Variants in GADL1 observed in about 807,000 individuals in gnomAD.
The protein encoded by GADL1 is GAD like acidic amino acid decarboxylase 1.
Under a neutral mutation model 69.5 loss-of-function variants are expected in GADL1, and 71 were observed. The observed-to-expected ratio is 1.02, with a 90% CI of 0.84 to 1.25. The LOEUF (loss-of-function observed/expected upper bound fraction) is 1.25. Among genes scored for constraint, GADL1 ranks in the 50% most tolerant of loss-of-function variants. The pLI, the probability that GADL1 is intolerant of heterozygous loss-of-function variation, is 0.00. For synonymous variants in GADL1, 254 were observed against 214.4 expected, an observed-to-expected ratio of 1.18 and a Z score of -1.62; for missense variants, 737 against 631.8, an observed-to-expected ratio of 1.17 and a Z score of -1.79.
chr3:30,731,692 A>G (rs1474793955), intron 14 of GADL1, among the ~76,000 whole-genome samples: 1 of 152,220 alleles, frequency 6.6e-6, no homozygotes, highest in African/African-American at 2.4e-5. Context: ...TTATAAAGAC[A>G]TAACTAAATA....
chr3:30,849,555 TG>T (rs1316700862), intron 6 of GADL1, among the ~76,000 whole-genome samples: 31 of 152,190 alleles, frequency 2.0e-4, no homozygotes, highest in African/African-American at 7.2e-4. Flanking sequence ...TGTGTGTGTG[TG>T]TGTTTTCATT....
At chr3:30,787,198 A>G (rs1696812892) in intron 12 of GADL1, among the ~76,000 whole-genome samples, 1 of 148,688 alleles carries the variant, frequency 6.7e-6, no homozygotes, top group African/African-American at 2.4e-5. Flanking sequence ...AAAATACAAG[A>G]AAAAAAATTA....
At chr3:30,764,628 CAATA>C (rs1246448116) in intron 14 of GADL1, among the ~76,000 whole-genome samples, 2 of 152,260 alleles carry the variant, frequency 1.3e-5, no homozygotes, top group South Asian at 2.1e-4. Context: ...AATAGATGCT[CAATA>C]AATATATTGT....
intron 4 of GADL1, among the ~76,000 whole-genome samples, chr3:30,853,035 A>G (rs907122787): frequency 1.3e-5 from 2 of 152,102 alleles, no homozygotes; most frequent in Admixed American, 6.6e-5. Flanking sequence ...TGAATATTCA[A>G]CAACATGTGA....
intron 14 of GADL1, among the ~76,000 whole-genome samples, chr3:30,733,464 C>G (rs1695495437): frequency 6.6e-6 from 1 of 152,146 alleles, no homozygotes; most frequent in South Asian, 2.1e-4. Flanking sequence ...ATATTGAAAT[C>G]TAGTTCATGG....
At chr3:30,757,416 C>A (rs959529899) in intron 14 of GADL1, among the ~76,000 whole-genome samples, 3 of 152,054 alleles carry the variant, frequency 2.0e-5, no homozygotes. Context: ...ATGCTTAGGA[C>A]AATTCGCATG....
At chr3:30,784,318 G>A (rs143437718) in intron 13 of GADL1, among the ~76,000 whole-genome samples, 22 of 152,096 alleles carry the variant, frequency 1.4e-4, no homozygotes, top group African/African-American at 4.1e-4. Context: ...ATGCCTCTTC[G>A]GTCTCTTTGA....
intron 14 of GADL1, among the ~76,000 whole-genome samples, chr3:30,761,096 G>T (rs959689262): frequency 1.3e-5 from 2 of 152,134 alleles, no homozygotes; most frequent in East Asian, 1.9e-4. Context: ...TTTCATATAG[G>T]CATTTAATGA....
chr3:30,850,953 T>C lies in GADL1; in HGVS notation c.429-12A>G, dbSNP rs1269392253. On this transcript the variant is annotated splice_polypyrimidine_tract_variant and intron_variant, in intron 4 of 14. Coordinates refer to ENST00000282538, the MANE Select transcript of GADL1 (RefSeq NM_207359.3). The stretch of plus-strand genomic sequence containing the variant: ...CCTCATACGTATAACTAGATAGATA[T>C]AAAAAACACTTCACTTCTATGACTA... The C allele has an allele frequency of 2.1e-6, 3 of 1,396,918 alleles. No individual in the cohort carries two copies. The highest frequency in any genetic ancestry group is 2.5e-5 in the East Asian group (1 of 40,140). 86.5% of individuals were successfully genotyped at this position (1,396,918 alleles called of 1,614,324 possible).
intron 11 of GADL1, among the ~76,000 whole-genome samples, chr3:30,809,813 C>T (rs912383353): frequency 6.6e-6 from 1 of 152,166 alleles, no homozygotes; most frequent in South Asian, 2.1e-4. Flanking sequence ...TTTAAACACA[C>T]CTTTTCCTCC....
intron 12 of GADL1, among the ~76,000 whole-genome samples, chr3:30,793,786 CCTTT>C (rs1696971386): frequency 1.5e-5 from 1 of 65,296 alleles, no homozygotes; most frequent in African/African-American, 7.7e-5. Flanking sequence ...CTCTCCAGTC[CCTTT>C]CTTACTTCAG....
intron 14 of GADL1, among the ~76,000 whole-genome samples, chr3:30,736,041 T>C (rs1695537521): frequency 6.6e-6 from 1 of 152,160 alleles, no homozygotes; most frequent in South Asian, 2.1e-4. Flanking sequence ...TTTTTAAAAC[T>C]AGCAAGTATT....
chr3:30,782,942 A>G (rs540944094), intron 13 of GADL1, among the ~76,000 whole-genome samples: 3 of 152,318 alleles, frequency 2.0e-5, no homozygotes, highest in African/African-American at 7.2e-5. Flanking sequence ...TTATTAGATT[A>G]CAAGATAACA....
chr3:30,752,386 G>GGA (rs199757652), intron 14 of GADL1, among the ~76,000 whole-genome samples: 2,989 of 152,252 alleles, frequency 0.02, 90 homozygotes, highest in African/African-American at 0.063. Flanking sequence ...CACCTTGCAT[G>GGA]GAGATAGACA....
At chr3:30,788,419 T>C (rs1696844107) in intron 12 of GADL1, among the ~76,000 whole-genome samples, 1 of 152,176 alleles carries the variant, frequency 6.6e-6, no homozygotes, top group Non-Finnish European at 1.5e-5. Context: ...AATACCTTAT[T>C]GCTAAAAAGC....
intron 1 of GADL1, among the ~76,000 whole-genome samples, chr3:30,869,622 CTATTT>C (rs908122441): frequency 1.1e-4 from 16 of 149,708 alleles, no homozygotes; most frequent in African/African-American, 3.4e-4. Flanking sequence ...ATATGGGTAT[CTATTT>C]TATTTTATTT....
At position 30,801,099 on chromosome 3, in the gene GADL1, GAA is replaced by G. The variant is rs1697154408; in HGVS notation, c.1051-13_1051-12del. 2 of 1,575,400 alleles carry G rather than the reference GAA, an allele frequency of 1.3e-6. No individual in the cohort carries two copies. On this transcript the variant is annotated splice_polypyrimidine_tract_variant and intron_variant, in intron 11 of 14. Transcript: ENST00000282538. The stretch of plus-strand genomic sequence containing the variant: ...TTTTTTAAGAAGATCCTTCGAAAAA[GAA>G]AAGATTACAAGACTGTTAAACTTTA...
intron 11 of GADL1, among the ~76,000 whole-genome samples, chr3:30,828,191 T>C (rs993339810): frequency 2.0e-5 from 3 of 151,908 alleles, no homozygotes; most frequent in African/African-American, 7.2e-5. Flanking sequence ...AAATGTACTT[T>C]CTTTCCTTTT....
At position 30,861,634 on chromosome 3, in the gene GADL1, T is replaced by C. The variant is rs1191969746; in HGVS notation, c.169A>G (p.Met57Val). The C allele has an allele frequency of 6.5e-7, 1 of 1,550,136 alleles. No homozygotes were observed. Among genetic ancestry groups the C allele is most frequent in the Non-Finnish European group, 8.7e-7 (1 of 1,145,950 alleles). The change falls in exon 2 of 15, where the codon ATG (methionine) becomes GTG (valine). Residue 57 changes from methionine (M) to valine (V), a missense_variant. Physicochemically the swap from Met to Val is conservative, Grantham distance 21. Transcript: ENST00000282538. The part of the protein sequence containing the change: ...KFVEEACRLI[M>V]EEVVLKATDV... Reference sequence around the variant, plus strand: ...GTAGCTTTCAAAACCACCTCTTCCATTATTAGCCTACAGGCCTCTTCAACA... The same window carrying C: ...GTAGCTTTCAAAACCACCTCTTCCACTATTAGCCTACAGGCCTCTTCAACA...
Sources: allele counts gnomAD v4.1 joint callset (sites outside exome capture counted in the v4.1 genomes callset), GRCh38; gene constraint gnomAD v4.1.1; transcripts MANE v1.5; gene names NCBI Gene and HGNC (gene_info 2026-07-23, HGNC 2026-07-21).